MYO5A: variants seen among roughly 807,000 people sequenced by gnomAD.
The protein encoded by MYO5A is unconventional myosin-Va.
Under a neutral mutation model 249.7 loss-of-function variants are expected in MYO5A, and 98 were observed. That is an observed-to-expected ratio of 0.39 (90% confidence interval 0.33 to 0.46). The LOEUF (loss-of-function observed/expected upper bound fraction) is 0.46. Ranked by LOEUF, MYO5A falls within the 20% of genes least tolerant of loss-of-function variation. MYO5A has a pLI of 0.98. For missense variants in MYO5A, 1,696 were observed against 2,308.8 expected, an observed-to-expected ratio of 0.73 and a Z score of 5.44; for synonymous variants, 778 against 810.6, an observed-to-expected ratio of 0.96 and a Z score of 0.68.
Position 52,372,127 on chromosome 15 carries a change from C to A in MYO5A, c.2814G>T (p.Glu938Asp). 6.2e-7 allele frequency: 1 copy of A among 1,613,626 alleles called. No individual in the cohort carries two copies. The highest frequency in any genetic ancestry group is 8.5e-7 in the Non-Finnish European group (1 of 1,180,010). Reference sequence around the variant, plus strand: ...AGGGCCCCTTTGTGAAACACACCTGCTCATCAACTTTGCGCTGCAGCTGCA... The same window carrying A: ...AGGGCCCCTTTGTGAAACACACCTGATCATCAACTTTGCGCTGCAGCTGCA... Reference protein sequence around the residue: ...KIMQLQRKVDEQNKDYKCLVE... With the variant: ...KIMQLQRKVDDQNKDYKCLVE... The change falls in exon 21 of 42, where the codon GAG (glutamate) becomes GAT (aspartate). Residue 938 changes from glutamate to aspartate, a missense_variant. Glu to Asp is a conservative substitution (Grantham distance 45, BLOSUM62 2). Transcript: ENST00000399233.
chr15:52,431,384 A>T (rs2075532112), intron 2 of MYO5A, among the ~76,000 whole-genome samples: 2 of 151,758 alleles, frequency 1.3e-5, no homozygotes, highest in Admixed American at 6.6e-5. Flanking sequence ...TATATATATA[A>T]AATACATACA....
At position 52,422,101 on chromosome 15, in the gene MYO5A, T is replaced by TA. The variant is rs373465408; in HGVS notation, c.455+3728dup. 1.8e-3 allele frequency among the ~76,000 whole-genome samples: 271 copies of TA among 151,816 alleles called. 1 individual carries two copies. Among genetic ancestry groups the TA allele is most frequent in the African/African-American group, 6.2e-3 (258 of 41,392 alleles). On this transcript the variant is annotated intron_variant, in intron 4 of 41. Transcript: ENST00000399233. ...GCAAGAATGTCAAACAAGAATAAAA[T>TA]AAAAAAATAGGCATGGCAGTCCACT...
At chr15:52,379,797 T>C in intron 17 of MYO5A, 25 bp downstream of exon 17, 1 of 1,614,096 alleles carries the variant, frequency 6.2e-7, no homozygotes, top group East Asian at 2.2e-5. Context: ...TAGGATCCCT[T>C]ACATCTGAAA....
intron 1 of MYO5A, among the ~76,000 whole-genome samples, chr15:52,474,901 T>A (rs1417082982): frequency 4.0e-4 from 59 of 147,854 alleles, no homozygotes; most frequent in East Asian, 1.0e-3. Context: ...GCTGGCCTCA[T>A]AAAATGAGTT....
intron 1 of MYO5A, among the ~76,000 whole-genome samples, chr15:52,473,155 A>AT (rs1459242581): frequency 1.3e-5 from 2 of 152,056 alleles, no homozygotes; most frequent in Non-Finnish European, 2.9e-5. Flanking sequence ...GATGATGAGC[A>AT]TTTTTTCATG....
chr15:52,361,222 T>C (rs1029925487), intron 24 of MYO5A, among the ~76,000 whole-genome samples: 2 of 152,206 alleles, frequency 1.3e-5, no homozygotes, highest in Admixed American at 1.3e-4. Flanking sequence ...TCAAATTCAC[T>C]GTCTGTTTAC....
intron 1 of MYO5A, among the ~76,000 whole-genome samples, chr15:52,442,299 T>C (rs1329652875): frequency 6.6e-6 from 1 of 151,676 alleles, no homozygotes; most frequent in Non-Finnish European, 1.5e-5. Context: ...GGGGGACAGA[T>C]GGGAAGAAAG....
At chr15:52,491,618 G>C (rs998819600) in intron 1 of MYO5A, among the ~76,000 whole-genome samples, 4 of 152,212 alleles carry the variant, frequency 2.6e-5, no homozygotes, top group African/African-American at 4.8e-5. Context: ...CCAAGTGTCA[G>C]AAGATCTGTC....
At chr15:52,511,690 C>G (rs2077392709) in intron 1 of MYO5A, among the ~76,000 whole-genome samples, 1 of 152,134 alleles carries the variant, frequency 6.6e-6, no homozygotes, top group African/African-American at 2.4e-5. Flanking sequence ...CTAACTGGCC[C>G]GCTGATTAAT....
intron 5 of MYO5A, among the ~76,000 whole-genome samples, chr15:52,415,109 C>T (rs1567104484): frequency 6.6e-6 from 1 of 152,144 alleles, no homozygotes. Flanking sequence ...AAACCAAGCA[C>T]AATTACCTCT....
intron 1 of MYO5A, among the ~76,000 whole-genome samples, chr15:52,437,763 A>G (rs1026239722): frequency 1.3e-5 from 2 of 152,332 alleles, no homozygotes; most frequent in East Asian, 1.9e-4. Flanking sequence ...AAGTGCCTTC[A>G]TGTTCTGTGT....
chr15:52,500,967 A>C (rs2077143645), intron 1 of MYO5A, among the ~76,000 whole-genome samples: 1 of 151,906 alleles, frequency 6.6e-6, no homozygotes, highest in Admixed American at 6.6e-5. Flanking sequence ...TATACACAAA[A>C]TCAGAAAACT....
chr15:52,326,666 G>C (rs990115576), intron 36 of MYO5A, among the ~76,000 whole-genome samples: 2 of 152,150 alleles, frequency 1.3e-5, no homozygotes, highest in Non-Finnish European at 1.5e-5. Context: ...CACACTTAAT[G>C]CCACGTAACT....
chr15:52,398,948 C>T (rs35943650), intron 9 of MYO5A, among the ~76,000 whole-genome samples: 23,790 of 151,224 alleles, frequency 0.16, 1,890 homozygotes, highest in Middle Eastern at 0.22. Context: ...GAGATAGTGC[C>T]ACTGCACTCC....
intron 1 of MYO5A, among the ~76,000 whole-genome samples, chr15:52,507,031 CT>C (rs935707724): frequency 5.9e-5 from 9 of 151,970 alleles, no homozygotes; most frequent in East Asian, 1.9e-4. Context: ...AGAGAAGCTA[CT>C]TTTTTTTCCC....
chr15:52,349,202 G>A lies in MYO5A; in HGVS notation c.3850-376C>T, dbSNP rs547094129. 1.1e-4 allele frequency among the ~76,000 whole-genome samples: 17 copies of A among 152,268 alleles called. No individual in the cohort carries two copies. In the South Asian group the frequency reaches 2.7e-3, roughly 24 times the overall value. On this transcript the variant is annotated intron_variant, in intron 28 of 41. Transcript: ENST00000399233. Reference sequence around the variant, plus strand: ...TAAAGTTATGTCTCTCACAGAAGTCGTTTGTCCAAGGGAAGATTCCCAGAA... The same window carrying A: ...TAAAGTTATGTCTCTCACAGAAGTCATTTGTCCAAGGGAAGATTCCCAGAA...
intron 18 of MYO5A, 84 bp downstream of exon 18, chr15:52,379,541 T>G (rs894239750): frequency 6.0e-6 from 7 of 1,165,450 alleles, no homozygotes; most frequent in Non-Finnish European, 9.0e-6. Flanking sequence ...ACTAGTAAAA[T>G]GTTATACAAA....
chr15:52,376,769 T>A (rs1419289310), intron 18 of MYO5A, among the ~76,000 whole-genome samples: 1 of 152,220 alleles, frequency 6.6e-6, no homozygotes, highest in Non-Finnish European at 1.5e-5. Flanking sequence ...TTAAGAGTTA[T>A]TTTCCAGAAT....
chr15:52,313,614 G>A lies in MYO5A; in HGVS notation c.*82C>T. ...TAATCAGTACTTTCTCTTTAAAAAT[G>A]TATTTTCAGTAACTCACTGGAAATA... On this transcript the variant is annotated 3_prime_UTR_variant, in exon 42 of 42. Coordinates refer to ENST00000399233, the MANE Select transcript of MYO5A (RefSeq NM_001382347.1). 1 of 1,512,314 alleles carries A rather than the reference G, an allele frequency of 6.6e-7. No homozygotes were observed. Among genetic ancestry groups the A allele is most frequent in the Non-Finnish European group, 9.2e-7 (1 of 1,090,536 alleles). 93.7% of individuals were successfully genotyped at this position (1,512,314 alleles called of 1,614,324 possible). A position where few individuals can be genotyped will look rare whatever the true frequency, so the allele number is the denominator to read the frequency against.
Sources: allele counts gnomAD v4.1 joint callset (sites outside exome capture counted in the v4.1 genomes callset), GRCh38; gene constraint gnomAD v4.1.1; transcripts MANE v1.5; gene names NCBI Gene and HGNC (gene_info 2026-07-23, HGNC 2026-07-21).